The following ODAD1 variants were observed in gnomAD, a reference collection of about 807,000 sequenced individuals.
ODAD1 encodes outer dynein arm docking complex subunit 1.
A neutral mutation model predicts 67.2 loss-of-function variants in ODAD1; 49 were observed. The observed-to-expected ratio is 0.73, with a 90% CI of 0.58 to 0.92. The LOEUF (loss-of-function observed/expected upper bound fraction) is 0.92, where lower values mean the gene tolerates loss of function less well. Ranked by LOEUF, ODAD1 falls within the 40% of genes least tolerant of loss-of-function variation. The pLI is 0.00. For synonymous variants in ODAD1, 345 were observed against 393.7 expected (o/e 0.88, Z 1.46); for missense variants, 897 against 953.7 (o/e 0.94, Z 0.78).
intron 7 of ODAD1, among the ~76,000 whole-genome samples, chr19:48,310,708 C>T (rs966267226): frequency 3.9e-5 from 6 of 152,174 alleles, no homozygotes; most frequent in Non-Finnish European, 7.3e-5. Context: ...GGCAAATTAT[C>T]AAACTGGGTG....
chr19:48,314,213 A>G (rs1968840461), intron 5 of ODAD1, among the ~76,000 whole-genome samples: 1 of 152,208 alleles, frequency 6.6e-6, no homozygotes, highest in African/African-American at 2.4e-5. Flanking sequence ...TGACATGTCT[A>G]CAAGCCAAAG....
intron 12 of ODAD1, among the ~76,000 whole-genome samples, chr19:48,301,284 C>T (rs1007800017): frequency 1.3e-5 from 2 of 152,150 alleles, no homozygotes; most frequent in Non-Finnish European, 2.9e-5. Context: ...ATATACCTAC[C>T]CTAAGACCCA....
chr19:48,296,817 G>A lies in ODAD1; in HGVS notation c.*159C>T. The A allele has an allele frequency of 2.8e-6, 4 of 1,428,928 alleles. No homozygotes were observed. The highest frequency in any genetic ancestry group is 3.1e-5 in the South Asian group (2 of 64,546). 88.5% of individuals were successfully genotyped at this position (1,428,928 alleles called of 1,614,324 possible). A position where few individuals can be genotyped will look rare whatever the true frequency, so the allele number is the denominator to read the frequency against. ...GGAACCGGGAGACACAGGTGAGGCG[G>A]TGATGAAGGGCAGATGAAAACAGTT... On this transcript the variant is annotated 3_prime_UTR_variant, in exon 16 of 16. Transcript: ENST00000674294.
At chr19:48,320,220 C>G in intron 3 of ODAD1, 79 bp downstream of exon 3, 1 of 976,156 alleles carries the variant, frequency 1.0e-6, no homozygotes, top group Non-Finnish European at 1.4e-6. Flanking sequence ...CTCTCCCTCC[C>G]TCCCTACAGG....
Position 48,306,250 on chromosome 19 carries a change from C to T in ODAD1, c.665+6G>A, listed in dbSNP as rs567924125. ...CCCGCCATCCCAGGATACCCGCAGT[C>T]TCTACCTGACGGCGTAGGCAGAGGT... is the stretch of plus-strand genomic sequence containing the variant. On this transcript the variant is annotated splice_donor_region_variant and intron_variant, in intron 8 of 15. Coordinates refer to ENST00000674294, the MANE Select transcript of ODAD1 (RefSeq NM_001364171.2). 6.4e-7 allele frequency: 1 copy of T among 1,551,558 alleles called. No homozygotes were observed. The highest frequency in any genetic ancestry group is 1.2e-5 in the South Asian group (1 of 84,038).
rs941712264 is a variant in ODAD1 at position 48,318,526 on chromosome 19, A to G, written c.221T>C (p.Ile74Thr). 1 of 1,551,456 alleles carries G rather than the reference A, an allele frequency of 6.4e-7. No homozygotes were observed. Among genetic ancestry groups the G allele is most frequent in the African/African-American group, 1.4e-5 (1 of 72,998 alleles). The change falls in exon 5 of 16, where the codon ATC (isoleucine) becomes ACC (threonine). Residue 74 changes from isoleucine to threonine, a missense_variant. Physicochemically the swap from Ile to Thr is moderately conservative, Grantham distance 89. Coordinates refer to ENST00000674294, the MANE Select transcript of ODAD1 (RefSeq NM_001364171.2). ...CTTGACCTGGTTCTGGGCTGCGCTGATCTGCACCTGGAGATCGCCCCGTAC... is the reference window on the plus strand; with the variant it reads ...CTTGACCTGGTTCTGGGCTGCGCTGGTCTGCACCTGGAGATCGCCCCGTAC... ...EEVRGDLQVQ[I>T]SAAQNQVKRL...
intron 7 of ODAD1, among the ~76,000 whole-genome samples, chr19:48,309,956 C>T (rs949819136): frequency 2.0e-5 from 3 of 152,106 alleles, no homozygotes; most frequent in East Asian, 1.9e-4. Context: ...ATAAACCGGC[C>T]GGGCGTGGTG....
chr19:48,307,261 G>A (rs1308167248), intron 7 of ODAD1, among the ~76,000 whole-genome samples: 2 of 151,624 alleles, frequency 1.3e-5, no homozygotes, highest in African/African-American at 4.8e-5. Context: ...GGTGATATTG[G>A]AATGGAATCA....
rs184810982 is a variant in ODAD1, at chr19:48,317,700, A to G, written c.360+687T>C. Reference sequence around the variant, plus strand: ...GCCCCGATTTTTTTTTTTTTTTGAGACAGAGTCTTGCTCTGTCAACCAGGC... The same window carrying G: ...GCCCCGATTTTTTTTTTTTTTTGAGGCAGAGTCTTGCTCTGTCAACCAGGC... On this transcript the variant is annotated intron_variant, in intron 5 of 15. Coordinates refer to ENST00000674294, the MANE Select transcript of ODAD1 (RefSeq NM_001364171.2). Among the ~76,000 whole-genome samples, 1,062 of 148,106 alleles carry G rather than the reference A, an allele frequency of 7.2e-3. 13 individuals carry two copies. Among genetic ancestry groups the G allele is most frequent in the African/African-American group, 0.025 (992 of 40,088 alleles).
At chr19:48,306,760 A>G (rs1309573178) in intron 7 of ODAD1, among the ~76,000 whole-genome samples, 1 of 152,236 alleles carries the variant, frequency 6.6e-6, no homozygotes, top group East Asian at 1.9e-4. Flanking sequence ...TAAAAATAAT[A>G]ATAGGGCCAG....
intron 4 of ODAD1, 38 bp from the exon 5 acceptor site, chr19:48,318,614 G>A (rs1276916792): frequency 2.6e-6 from 4 of 1,545,682 alleles, no homozygotes; most frequent in African/African-American, 1.4e-5. Context: ...GCCAGTAAGG[G>A]GGCAGAACTC....
chr19:48,303,851 G>C (rs903663380), intron 9 of ODAD1, 67 bp from the exon 10 acceptor site: 4 of 1,575,064 alleles, frequency 2.5e-6, no homozygotes, highest in Non-Finnish European at 3.5e-6. Flanking sequence ...TCCTGGGTGA[G>C]GGGGAGCGAA....
At chr19:48,298,155 C>T in intron 13 of ODAD1, 22 bp downstream of exon 13, 1 of 1,612,220 alleles carries the variant, frequency 6.2e-7, no homozygotes, top group Non-Finnish European at 8.5e-7. Flanking sequence ...GCCTCCTGTC[C>T]CGGCTCCCTG....
At chr19:48,320,164 T>C in intron 3 of ODAD1, 135 bp downstream of exon 3, 1 of 838,016 alleles carries the variant, frequency 1.2e-6, no homozygotes, top group South Asian at 2.0e-5. Flanking sequence ...CCCGCCTCCC[T>C]TAGGGCGCAT....
intron 2 of ODAD1, 62 bp downstream of exon 2, chr19:48,320,710 G>C (rs1453178822): frequency 5.7e-6 from 1 of 174,840 alleles, no homozygotes; most frequent in Non-Finnish European, 1.3e-5. Context: ...ACCCCGGCCT[G>C]CTGTAGTGGG....
intron 3 of ODAD1, chr19:48,319,553 G>T (rs962545047): frequency 2.5e-6 from 1 of 401,306 alleles, no homozygotes; most frequent in Non-Finnish European, 3.4e-6. Flanking sequence ...TTCTAGACAG[G>T]GTCTCGCTCT....
In ODAD1 at chr19:48,297,208, G is replaced by A. The variant is rs143219618; in HGVS notation, c.1892C>T (p.Ser631Leu). ...TCTGAAGGTCACGTGGCCCCCACTC[G>A]AGGCACTGGTGGAGCCGAAGGTCAC... ...GHVTFGSTSA[S>L]SGGHVTFRPV... The change falls in exon 16 of 16, where the codon TCG becomes TTG. Residue 631 changes from serine to leucine, a missense_variant. Ser to Leu is a moderately radical substitution (Grantham distance 145). Coordinates refer to ENST00000674294, the MANE Select transcript of ODAD1 (RefSeq NM_001364171.2). 4 of 1,613,986 alleles carry A rather than the reference G, an allele frequency of 2.5e-6. No homozygotes were observed. Among genetic ancestry groups the A allele is most frequent in the South Asian group, 1.1e-5 (1 of 91,084 alleles).
At chr19:48,303,837 G>C (rs1456381976) in intron 9 of ODAD1, 53 bp from the exon 10 acceptor site, 1 of 1,577,932 alleles carries the variant, frequency 6.3e-7, no homozygotes, top group Non-Finnish European at 8.6e-7. Flanking sequence ...CCAACACAGA[G>C]ACCTCCTGGG....
intron 7 of ODAD1, among the ~76,000 whole-genome samples, chr19:48,309,913 C>T (rs1196602827): frequency 6.6e-6 from 1 of 152,176 alleles, no homozygotes; most frequent in Non-Finnish European, 1.5e-5. Context: ...CCCCAAAGTG[C>T]AGATGCCAAG....
Sources: allele counts gnomAD v4.1 joint callset (sites outside exome capture counted in the v4.1 genomes callset), GRCh38; gene constraint gnomAD v4.1.1; transcripts MANE v1.5; gene names NCBI Gene and HGNC (gene_info 2026-07-23, HGNC 2026-07-21).